PROM2: variants seen among roughly 807,000 people sequenced by gnomAD.
PROM2 encodes prominin 2.
PROM2 carries 90 observed loss-of-function variants against 110.2 expected under a neutral mutation model. The observed-to-expected ratio is 0.82, with a 90% confidence interval of 0.69 to 0.97. PROM2 has a LOEUF of 0.97. PROM2 is among the 50% of genes least tolerant of loss of function. PROM2 has a pLI of 0.00. For missense variants in PROM2, 1,009 were observed against 1,074.8 expected, an observed-to-expected ratio of 0.94 and a Z score of 0.86; for synonymous variants, 470 against 467.8, an observed-to-expected ratio of 1.00 and a Z score of -0.06.
chr2:95,288,495 T>A lies in PROM2; in HGVS notation c.2347T>A (p.Phe783Ile), dbSNP rs1359372825. The A allele has an allele frequency of 6.2e-7, 1 of 1,614,030 alleles. No individual in the cohort carries two copies. Among genetic ancestry groups the A allele is most frequent in the Non-Finnish European group, 8.5e-7 (1 of 1,179,998 alleles). Residue 783 changes from phenylalanine (F) to isoleucine (I), a missense_variant, in exon 22 of 24, where the codon TTC (phenylalanine) becomes ATC (isoleucine). Transcript: ENST00000317620. ...MMADPWNAFW[F>I]CLAWCTFFLI... ...CGCCTTGTTGCAGAATGCCTTCTGG[T>A]TCTGCCTGGCATGGTGCACCTTCTT...
intron 14 of PROM2, among the ~76,000 whole-genome samples, chr2:95,283,125 TC>T (rs1434599463): frequency 6.6e-6 from 1 of 152,122 alleles, no homozygotes; most frequent in Non-Finnish European, 1.5e-5. Context: ...AGACAGGAGC[TC>T]CCCGAGCAGG....
chr2:95,285,202 C>A, intron 15 of PROM2, 87 bp downstream of exon 15: 2 of 1,369,448 alleles, frequency 1.5e-6, no homozygotes, highest in Non-Finnish European at 2.0e-6. Context: ...TGCATCTTGC[C>A]TTGTCCCAGC....
intron 8 of PROM2, 190 bp downstream of exon 8, chr2:95,278,194 GC>G: frequency 3.3e-6 from 2 of 605,902 alleles, no homozygotes; most frequent in South Asian, 4.0e-5. Flanking sequence ...GGAGAGCTGG[GC>G]CCTTCAAGGC....
intron 21 of PROM2, 75 bp from the exon 22 acceptor site, chr2:95,288,408 G>A (rs147213921): frequency 4.9e-5 from 77 of 1,584,888 alleles, no homozygotes; most frequent in East Asian, 2.7e-4. Flanking sequence ...CCTCTGCCCC[G>A]GCTCTGATGA....
In PROM2 at chr2:95,275,015, C is replaced by T. The variant is rs1676565483; in HGVS notation, c.244+186C>T. 1.7e-5 allele frequency: 11 copies of T among 641,332 alleles called. No individual in the cohort carries two copies. Among genetic ancestry groups the T allele is most frequent in the Non-Finnish European group, 2.7e-5 (11 of 402,402 alleles). The allele number at this position is 641,332 out of a possible 1,614,324, so 39.7% of individuals were successfully genotyped here. ...TGTGACTGTGGGTAAGCCTCACTTC[C>T]TCTCTGAGCCTCAGGTGCTCTGTCT... On this transcript the variant is annotated intron_variant, in intron 1 of 23. Coordinates refer to ENST00000317620, the MANE Select transcript of PROM2 (RefSeq NM_001165978.3). This position sits in a 1 kb window ranked among gnomAD's most constrained non-coding sequence, Gnocchi z 4.4.
intron 20 of PROM2, 86 bp downstream of exon 20, chr2:95,287,550 A>G: frequency 2.1e-6 from 3 of 1,412,300 alleles, no homozygotes; most frequent in Non-Finnish European, 2.9e-6. Context: ...CCGCCCCCGG[A>G]GCCCCTTGGG....
rs1573466843 is a variant in PROM2 at position 95,289,323 on chromosome 2, C to T, written c.*110C>T. 1 of 395,784 alleles carries T rather than the reference C, an allele frequency of 2.5e-6. No homozygotes were observed. The highest frequency in any genetic ancestry group is 5.1e-5 in the East Asian group (1 of 19,660). The allele number at this position is 395,784 out of a possible 1,614,324, so 24.5% of individuals were successfully genotyped here. ...CCAGAGCCCAGGCTGGCATCCAGGC[C>T]TGGACTGTCCCCAGTTCCGGCTTAC... On this transcript the variant is annotated 3_prime_UTR_variant, in exon 24 of 24. Transcript: ENST00000317620.
chr2:95,284,879 T>C, intron 14 of PROM2, 90 bp from the exon 15 acceptor site: 1 of 1,377,342 alleles, frequency 7.3e-7, no homozygotes, highest in Middle Eastern at 2.0e-4. Flanking sequence ...CCAAACCATA[T>C]CGCCTGGTGA....
In PROM2 at chr2:95,287,404, G is replaced by T. The variant is rs1677429629; in HGVS notation, c.2184G>T (p.Glu728Asp). ...WAARILRNVS[E>D]CFLAREMGYF... ...TCCTTTCCTTCCTGCAGGTGAGTGA[G>T]TGTTTCCTGGCCCGGGAGATGGGCT... The change falls in exon 20 of 24, where the codon GAG becomes GAT. Residue 728 changes from glutamate to aspartate, a missense_variant. Physicochemically the swap from Glu to Asp is conservative, Grantham distance 45 (BLOSUM62 2). Transcript: ENST00000317620. 1.2e-6 allele frequency: 2 copies of T among 1,614,024 alleles called. No homozygotes were observed. Among genetic ancestry groups the T allele is most frequent in the South Asian group, 2.2e-5 (2 of 91,090 alleles).
rs1676528510 is a variant in PROM2, at chr2:95,274,529, C to T, written c.-57C>T. 2.0e-6 allele frequency: 3 copies of T among 1,498,458 alleles called. No individual in the cohort carries two copies. The African/African-American group carries it at 4.2e-5, about 21-fold the overall frequency. 92.8% of individuals were successfully genotyped at this position (1,498,458 alleles called of 1,614,324 possible). ...ACAGAGGCTGGAGAAGGATGTATGG[C>T]CTGCCCTGGGCTTGTCTGTTCCCTC... On this transcript the variant is annotated 5_prime_UTR_variant, in exon 1 of 24. Transcript: ENST00000317620.
At chr2:95,286,993 A>G in intron 18 of PROM2, 136 bp downstream of exon 18, 4 of 1,265,494 alleles carry the variant, frequency 3.2e-6, no homozygotes, top group Non-Finnish European at 4.5e-6. Context: ...TGGGGGTGGC[A>G]GCAGAGCCTG....
At position 95,283,062 on chromosome 2, in the gene PROM2, C is replaced by G. The variant is rs374618939; in HGVS notation, c.1728+836C>G. 4.6e-5 allele frequency among the ~76,000 whole-genome samples: 7 copies of G among 152,362 alleles called. No homozygotes were observed. In the East Asian group the frequency reaches 1.4e-3, roughly 29 times the overall value. On this transcript the variant is annotated intron_variant, in intron 14 of 23. Transcript: ENST00000317620. ...CCCAGCCCCAACTCTGTACCTTGAA[C>G]TGCACAACCTGGGACAGTTATGCAG...
In PROM2 at chr2:95,277,734, C is replaced by T. The variant is rs761142203; in HGVS notation, c.975+168C>T. On this transcript the variant is annotated intron_variant, in intron 7 of 23. Coordinates refer to ENST00000317620, the MANE Select transcript of PROM2 (RefSeq NM_001165978.3). ...AGTGGGTGGAGTGCTCCCCAGGCCA[C>T]GCCCTGTACGTGAACTTCATGTGTG... 2.8e-5 allele frequency: 22 copies of T among 777,342 alleles called. No individual in the cohort carries two copies. In the Middle Eastern group the frequency reaches 1.1e-3, roughly 38 times the overall value. 48.2% of individuals were successfully genotyped at this position (777,342 alleles called of 1,614,324 possible).
intron 18 of PROM2, 74 bp downstream of exon 18, chr2:95,286,931 C>A: frequency 6.6e-7 from 1 of 1,510,480 alleles, no homozygotes; most frequent in Non-Finnish European, 9.2e-7. Flanking sequence ...GAGCCCATCT[C>A]ACTCTGCACC....
intron 10 of PROM2, 36 bp downstream of exon 10, chr2:95,279,180 G>A (rs1676872746): frequency 1.5e-6 from 2 of 1,308,586 alleles, no homozygotes; most frequent in East Asian, 2.9e-5. Flanking sequence ...GGGTGGGGTG[G>A]GGTGGGCAGC....
At position 95,276,675 on chromosome 2, in the gene PROM2, T is replaced by C. The variant is rs536149744; in HGVS notation, c.682+18T>C. ...GCTGGATGGTGAGGGTCTCGGGGACTGGCAGGTGGGCTGGCTCCTTCCAGG... is the reference window on the plus strand; with the variant it reads ...GCTGGATGGTGAGGGTCTCGGGGACCGGCAGGTGGGCTGGCTCCTTCCAGG... On this transcript the variant is annotated intron_variant, in intron 5 of 23. Transcript: ENST00000317620. The surrounding 1 kb of genome is among the most constrained non-coding windows in gnomAD (Gnocchi z 4.6). 1.3e-3 allele frequency: 2,038 copies of C among 1,611,906 alleles called. 33 individuals are homozygous for C. The African/African-American group carries it at 0.023, about 18-fold the overall frequency.
chr2:95,281,679 C>T (rs574429785), intron 12 of PROM2, among the ~76,000 whole-genome samples: 2 of 152,258 alleles, frequency 1.3e-5, no homozygotes, highest in East Asian at 1.9e-4. Context: ...AGCTGCGATG[C>T]TGGACTGGGT....
rs374995064 is a variant in PROM2, at chr2:95,275,495, C to G, written c.279C>G (p.Ser93=). 3 of 1,613,746 alleles carry G rather than the reference C, an allele frequency of 1.9e-6. No homozygotes were observed. In the South Asian group the frequency reaches 3.3e-5, roughly 18 times the overall value. Residue 93 remains serine (S), a synonymous_variant, in exon 2 of 24, where the codon TCC becomes TCG. Transcript: ENST00000317620. The surrounding 1 kb of genome is among the most constrained non-coding windows in gnomAD (Gnocchi z 4.4). ...AGGCCCTACTGAATGAGCTGGCCTCCGTGAAGGTGAATGAGGTGAGCAAGC... is the reference window on the plus strand; with the variant it reads ...AGGCCCTACTGAATGAGCTGGCCTCGGTGAAGGTGAATGAGGTGAGCAAGC... The part of the protein sequence containing the change: ...LVKALLNELA[S]VKVNEVVRYE...
Position 95,279,905 on chromosome 2 carries a change from G to C in PROM2, c.1335G>C (p.Leu445=), listed in dbSNP as rs763430359. Residue 445 remains leucine (L), a synonymous_variant, in exon 11 of 24, where the codon CTG becomes CTC. Coordinates refer to ENST00000317620, the MANE Select transcript of PROM2 (RefSeq NM_001165978.3). The part of the protein sequence containing the change: ...VVLFVVLCNL[L]GLNLGIWGLS... ...TATTCGTGGTGCTCTGCAACCTGCT[G>C]GGCCTCAATCTGGGCATCTGGGGCC... 5.1e-6 allele frequency: 8 copies of C among 1,560,812 alleles called. No homozygotes were observed. In the East Asian group the frequency reaches 2.0e-4, roughly 38 times the overall value.
Sources: allele counts gnomAD v4.1 joint callset (sites outside exome capture counted in the v4.1 genomes callset), GRCh38; gene constraint gnomAD v4.1.1; non-coding constraint Gnocchi (gnomAD v3.1); transcripts MANE v1.5; gene names NCBI Gene and HGNC (gene_info 2026-07-23, HGNC 2026-07-21).